ETV3: variants seen among roughly 807,000 people sequenced by gnomAD.
The protein encoded by ETV3 is ETS translocation variant 3.
ETV3 carries 8 observed loss-of-function variants against 33.0 expected under a neutral mutation model. That is an observed-to-expected ratio of 0.24 (90% confidence interval 0.14 to 0.44). The LOEUF (loss-of-function observed/expected upper bound fraction) is 0.44. Ranked by LOEUF, ETV3 falls within the 20% of genes least tolerant of loss-of-function variation. The pLI, the probability that ETV3 is intolerant of heterozygous loss-of-function variation, is 1.00. For missense variants in ETV3, 473 were observed against 652.3 expected, an observed-to-expected ratio of 0.73 and a Z score of 2.99; for synonymous variants, 222 against 238.9, an observed-to-expected ratio of 0.93 and a Z score of 0.65.
chr1:157,133,528 A>G lies in ETV3; in HGVS notation c.400+584T>C, dbSNP rs1231839528. The G allele has an allele frequency of 3.0e-6, 3 of 985,918 alleles. No homozygotes were observed. The African/African-American group carries it at 5.2e-5, about 17-fold the overall frequency. 61.1% of individuals were successfully genotyped at this position (985,918 alleles called of 1,614,324 possible). ...ATGGAAAGCTATAACCAGGAAAGTC[A>G]AGAGGGGAAGCCCTACTGCACTTAA... On this transcript the variant is annotated intron_variant, in intron 4 of 4. Coordinates refer to ENST00000368192, the MANE Select transcript of ETV3 (RefSeq NM_001145312.3).
At chr1:157,134,263 A>G in intron 3 of ETV3, 36 bp from the exon 4 acceptor site, 1 of 1,598,036 alleles carries the variant, frequency 6.3e-7, no homozygotes, top group East Asian at 2.2e-5. Context: ...TTCGTCTTGT[A>G]GCTACTGACA....
rs532011779 is a variant in ETV3, at chr1:157,125,615, G to A, written c.765C>T (p.Arg255=). The stretch of plus-strand genomic sequence containing the variant: ...AAATGGGGACATTAAGGACACCTCC[G>A]CGGCCAGGGATTGGAGAGACAGCGA... ...SPFAVSPIPG[R]GGVLNVPISP... The change falls in exon 5 of 5, where the codon CGC becomes CGT. Residue 255 remains arginine (R), a synonymous_variant. Coordinates refer to ENST00000368192, the MANE Select transcript of ETV3 (RefSeq NM_001145312.3). The surrounding 1 kb of genome is among the most constrained non-coding windows in gnomAD (Gnocchi z 4.0). 9.1e-5 allele frequency: 141 copies of A among 1,551,762 alleles called. 1 individual carries two copies. The South Asian group carries it at 1.4e-3, about 16-fold the overall frequency.
rs753077955 is a variant in ETV3, at chr1:157,122,403, C to T, written c.*2438G>A. ...AACCAACAATTTACTGGTGGAATGG[C>T]AATCAAAGGAAACAGTTAAACACCA... On this transcript the variant is annotated 3_prime_UTR_variant, in exon 5 of 5. Transcript: ENST00000368192. 3 of 151,724 alleles carry T rather than the reference C, an allele frequency of 2.0e-5. No individual in the cohort carries two copies. Among genetic ancestry groups the T allele is most frequent in the Non-Finnish European group, 4.4e-5 (3 of 67,934 alleles). 9.4% of individuals were successfully genotyped at this position (151,724 alleles called of 1,614,324 possible).
chr1:157,121,362 CTT>C lies in ETV3; in HGVS notation c.*3477_*3478del, dbSNP rs1431481236. The C allele has an allele frequency of 1.3e-5, 2 of 151,600 alleles. No homozygotes were observed. The highest frequency in any genetic ancestry group is 4.8e-5 in the African/African-American group (2 of 41,258). The allele number at this position is 151,600 out of a possible 1,614,324, so 9.4% of individuals were successfully genotyped here. A position where few individuals can be genotyped will look rare whatever the true frequency, so the allele number is the denominator to read the frequency against. ...TAATATATATGCAAAAATTTGAAGACTTTATAGAAAGCGGAACATCTAAAAGG... is the reference window on the plus strand; with the variant it reads ...TAATATATATGCAAAAATTTGAAGACTATAGAAAGCGGAACATCTAAAAGG... On this transcript the variant is annotated 3_prime_UTR_variant, in exon 5 of 5. Transcript: ENST00000368192.
At chr1:157,135,153 C>A in intron 3 of ETV3, 1 of 444,542 alleles carries the variant, frequency 2.2e-6, no homozygotes, top group African/African-American at 2.0e-5. Flanking sequence ...TAAACTAATC[C>A]TTTGGATTAT....
Position 157,124,709 on chromosome 1 carries a change from TA to T in ETV3, c.*131del. ...ATAACCCCATCCCATCCCCAAAACA[TA>T]AAAATACAAGTCTATGCCCCTAGAA... On this transcript the variant is annotated 3_prime_UTR_variant, in exon 5 of 5. Transcript: ENST00000368192. 1 of 958,166 alleles carries T rather than the reference TA, an allele frequency of 1.0e-6. No individual in the cohort carries two copies. Among genetic ancestry groups the T allele is most frequent in the Non-Finnish European group, 1.5e-6 (1 of 672,474 alleles). 59.4% of individuals were successfully genotyped at this position (958,166 alleles called of 1,614,324 possible).
At position 157,125,976 on chromosome 1, in the gene ETV3, A is replaced by G. The variant is rs1674827847; in HGVS notation, c.404T>C (p.Val135Ala). 1 of 1,539,224 alleles carries G rather than the reference A, an allele frequency of 6.5e-7. No individual in the cohort carries two copies. The highest frequency in any genetic ancestry group is 1.4e-5 in the African/African-American group (1 of 72,460). Residue 135 changes from valine (V) to alanine (A), a missense_variant, in exon 5 of 5, where the codon GTG becomes GCG. By Grantham distance (64) the Val-to-Ala change is moderately conservative. Transcript: ENST00000368192. This position sits in a 1 kb window ranked among gnomAD's most constrained non-coding sequence, Gnocchi z 4.0. ...CACTGGTGGTGCACTCTGAGGAACC[A>G]CACCTGTGATGGTGGAAAATACAAA... ...YPFINIRSSG[V>A]VPQSAPPVPT...
intron 4 of ETV3, among the ~76,000 whole-genome samples, chr1:157,132,192 C>A (rs1674983609): frequency 6.6e-6 from 1 of 152,242 alleles, no homozygotes; most frequent in Non-Finnish European, 1.5e-5. Context: ...AAGTGATCTG[C>A]CGGCCTTGGC....
intron 4 of ETV3, among the ~76,000 whole-genome samples, chr1:157,130,452 A>G (rs1357772395): frequency 6.6e-6 from 1 of 152,258 alleles, no homozygotes; most frequent in African/African-American, 2.4e-5. Flanking sequence ...GTCCACCTCC[A>G]TGAAGTCACC....
intron 3 of ETV3, 68 bp downstream of exon 3, chr1:157,135,403 T>C: frequency 6.4e-7 from 1 of 1,563,580 alleles, no homozygotes; most frequent in Non-Finnish European, 8.7e-7. Flanking sequence ...CCTTTTTATC[T>C]AGCATTCACC....
At chr1:157,136,421 CAA>C in intron 1 of ETV3, 56 bp from the exon 2 acceptor site, 1 of 1,506,112 alleles carries the variant, frequency 6.6e-7, no homozygotes, top group Non-Finnish European at 9.0e-7. Flanking sequence ...AGTATCCTCT[CAA>C]AAGTTTTCTG....
intron 4 of ETV3, among the ~76,000 whole-genome samples, chr1:157,128,184 C>CT (rs1335641466): frequency 6.6e-6 from 1 of 152,032 alleles, no homozygotes; most frequent in Non-Finnish European, 1.5e-5. Flanking sequence ...AAGACTGTAG[C>CT]TTTCTGGGTG....
intron 4 of ETV3, chr1:157,133,106 C>T (rs1246882542): frequency 6.6e-6 from 1 of 152,380 alleles, no homozygotes; most frequent in Non-Finnish European, 1.5e-5. Flanking sequence ...TAGTTACCCA[C>T]AAAGGTCTGA....
chr1:157,128,267 A>G (rs941184582), intron 4 of ETV3: 1 of 155,848 alleles, frequency 6.4e-6, no homozygotes, highest in African/African-American at 2.4e-5. Flanking sequence ...GTTCTGCAGG[A>G]CTTTTTTTTT....
intron 4 of ETV3, chr1:157,133,360 T>C (rs754293025): frequency 1.7e-4 from 170 of 981,528 alleles, no homozygotes; most frequent in Non-Finnish European, 2.0e-4. Context: ...GAACATATAC[T>C]GCTCAGATAA....
chr1:157,131,302 T>C (rs1479175331), intron 4 of ETV3, among the ~76,000 whole-genome samples: 1 of 152,198 alleles, frequency 6.6e-6, no homozygotes, highest in Non-Finnish European at 1.5e-5. Context: ...TAATAATGTG[T>C]TATACAGGAT....
chr1:157,133,959 G>C, intron 4 of ETV3, 153 bp downstream of exon 4: 1 of 1,448,770 alleles, frequency 6.9e-7, no homozygotes, highest in East Asian at 2.5e-5. Context: ...TTATAAGTGA[G>C]ATGACTTGAG....
At position 157,125,395 on chromosome 1, in the gene ETV3, G is replaced by A; in HGVS notation, c.985C>T (p.Pro329Ser). ...TCAGGATGCATTTGGCACTGCAGTG[G>A]TGGAACCATGAGCCCTGGGTAACGG... ...FPRYPGLMVP[P>S]LQCQMHPEES... Residue 329 changes from proline to serine, a missense_variant, in exon 5 of 5, where the codon CCA becomes TCA. By Grantham distance (74) the Pro-to-Ser change is moderately conservative (BLOSUM62 -1). This residue lies in a region of ETV3 where 410 missense variants were observed against 520.2 expected (regional missense o/e 0.79). Transcript: ENST00000368192. The surrounding 1 kb of genome is among the most constrained non-coding windows in gnomAD (Gnocchi z 4.0). 1.9e-6 allele frequency: 3 copies of A among 1,552,160 alleles called. No homozygotes were observed. Among genetic ancestry groups the A allele is most frequent in the Non-Finnish European group, 2.6e-6 (3 of 1,147,102 alleles).
At chr1:157,133,449 C>G (rs1235882286) in intron 4 of ETV3, 1 of 985,666 alleles carries the variant, frequency 1.0e-6, no homozygotes, top group Non-Finnish European at 1.2e-6. Context: ...CACACAACAA[C>G]AAAGTCTTTT....
Sources: gnomAD v4.1 joint callset for allele counts (sites outside exome capture counted in the v4.1 genomes callset) on GRCh38, gnomAD v4.1.1 for gene constraint, gnomAD v4.1.1 regional missense constraint, Gnocchi (gnomAD v3.1) non-coding constraint, MANE v1.5 for transcripts, NCBI Gene and HGNC (gene_info 2026-07-23, HGNC 2026-07-21) for gene names.